The following AFF1 variants were observed in gnomAD, a reference collection of about 807,000 sequenced individuals.
AFF1 encodes AF4/FMR2 family member 1.
In AFF1, 48 loss-of-function variants were observed where a neutral mutation model predicts 121.7. The observed-to-expected ratio is 0.39, with a 90% CI of 0.31 to 0.50. The LOEUF is 0.50. Ranked by LOEUF, AFF1 falls within the 20% of genes least tolerant of loss-of-function variation. The pLI, the probability that AFF1 is intolerant of heterozygous loss-of-function variation, is 0.76. For missense variants in AFF1, 1,523 were observed against 1,511.7 expected (o/e 1.01, Z -0.12); for synonymous variants, 613 against 563.0 (o/e 1.09, Z -1.26).
intron 2 of AFF1, among the ~76,000 whole-genome samples, chr4:86,960,898 A>AT (rs1250337537): frequency 1.3e-5 from 2 of 152,188 alleles, no homozygotes; most frequent in African/African-American, 4.8e-5. Flanking sequence ...GCACCCAAGA[A>AT]TTCTAATGTG....
chr4:86,994,153 A>G (rs1403297835), intron 2 of AFF1, among the ~76,000 whole-genome samples: 1 of 152,154 alleles, frequency 6.6e-6, no homozygotes, highest in East Asian at 1.9e-4. Flanking sequence ...AGAAGGCACT[A>G]AAAAAGAGTC....
chr4:86,970,636 G>C (rs958147317), intron 2 of AFF1, among the ~76,000 whole-genome samples: 4 of 152,168 alleles, frequency 2.6e-5, no homozygotes, highest in Non-Finnish European at 4.4e-5. Context: ...AATCATATCA[G>C]GGTTATAAAG....
intron 2 of AFF1, among the ~76,000 whole-genome samples, chr4:87,018,418 G>T (rs1727569321): frequency 6.6e-6 from 1 of 152,244 alleles, no homozygotes; most frequent in South Asian, 2.1e-4. Context: ...GAGAACCTCT[G>T]AGGAGGGTTA....
intron 2 of AFF1, among the ~76,000 whole-genome samples, chr4:87,040,282 A>C (rs186422337): frequency 3.4e-3 from 513 of 152,320 alleles, no homozygotes; most frequent in African/African-American, 0.011. Context: ...CCTCAAGGAC[A>C]GGCCTGTGTG....
Position 87,128,224 on chromosome 4 carries a change from G to C in AFF1, c.2964+521G>C, listed in dbSNP as rs150430089. Among the ~76,000 whole-genome samples, 1,027 of 152,292 alleles carry C rather than the reference G, an allele frequency of 6.7e-3. 13 individuals are homozygous for C. Among genetic ancestry groups the C allele is most frequent in the African/African-American group, 0.023 (974 of 41,546 alleles). ...CTGACCTGAAGGAAGAGTTGAGCTA[G>C]GCTATTAGATGAGATTTTAAGATGA... On this transcript the variant is annotated intron_variant, in intron 16 of 20. Transcript: ENST00000395146.
intron 2 of AFF1, among the ~76,000 whole-genome samples, chr4:87,013,285 C>T (rs1726983570): frequency 6.6e-6 from 1 of 151,992 alleles, no homozygotes; most frequent in Non-Finnish European, 1.5e-5. Flanking sequence ...GGTGATCCTC[C>T]CGCCTCGGCC....
At chr4:87,107,530 T>A (rs1384615906) in intron 10 of AFF1, among the ~76,000 whole-genome samples, 1 of 152,216 alleles carries the variant, frequency 6.6e-6, no homozygotes, top group Non-Finnish European at 1.5e-5. Context: ...TTGGTTACTT[T>A]TGAGTTCACC....
chr4:87,079,253 A>G (rs1043366564), intron 4 of AFF1, among the ~76,000 whole-genome samples: 10 of 152,174 alleles, frequency 6.6e-5, no homozygotes, highest in Non-Finnish European at 1.5e-4. Flanking sequence ...AGAGCCTCCC[A>G]GTCTCAGTGG....
chr4:86,996,130 G>A (rs1321972466), intron 2 of AFF1, among the ~76,000 whole-genome samples: 2 of 150,576 alleles, frequency 1.3e-5, no homozygotes, highest in African/African-American at 2.5e-5. Context: ...CCGGCCAGCC[G>A]CCCTGTCCGG....
intron 2 of AFF1, among the ~76,000 whole-genome samples, chr4:87,031,439 GTT>G (rs796554313): frequency 7.1e-6 from 1 of 140,710 alleles, no homozygotes; most frequent in Admixed American, 7.1e-5. Flanking sequence ...CTTAGCATAT[GTT>G]TTTTTTTTTT....
intron 1 of AFF1, among the ~76,000 whole-genome samples, chr4:86,942,081 A>G (rs1409875434): frequency 2.0e-5 from 3 of 152,112 alleles, no homozygotes; most frequent in African/African-American, 7.2e-5. Context: ...AATGTTTGCT[A>G]TTATTACTCC....
At chr4:86,963,963 GTTTTTTTT>G (rs3035477) in intron 2 of AFF1, among the ~76,000 whole-genome samples, 1 of 104,382 alleles carries the variant, frequency 9.6e-6, no homozygotes, top group African/African-American at 3.8e-5. Flanking sequence ...GACTAGACTG[GTTTTTTTT>G]TTTTTTTTTT....
Position 87,047,397 on chromosome 4 carries a change from T to G in AFF1, c.862T>G (p.Ser288Ala). The G allele has an allele frequency of 6.2e-7, 1 of 1,613,754 alleles. No homozygotes were observed. Among genetic ancestry groups the G allele is most frequent in the South Asian group, 1.1e-5 (1 of 91,050 alleles). The change falls in exon 4 of 21, where the codon TCA becomes GCA. Residue 288 changes from serine to alanine, a missense_variant. By Grantham distance (99) the Ser-to-Ala change is moderately conservative (BLOSUM62 1). Around this residue, in one of 5 missense-constraint regions of AFF1, gnomAD observed 369 missense variants for 367.2 expected, o/e 1.00. Transcript: ENST00000395146. ...SQTFPPPSLPSKSVAMQQKPT... is the reference protein window; with the variant it reads ...SQTFPPPSLPAKSVAMQQKPT... Reference sequence around the variant, plus strand: ...GACATTTCCACCTCCCTCCCTCCCCTCAAAAAGTGTTGCAATGCAGCAGAA... The same window carrying G: ...GACATTTCCACCTCCCTCCCTCCCCGCAAAAAGTGTTGCAATGCAGCAGAA...
At chr4:87,019,657 G>A (rs542397729) in intron 2 of AFF1, among the ~76,000 whole-genome samples, 1 of 152,296 alleles carries the variant, frequency 6.6e-6, no homozygotes, top group South Asian at 2.1e-4. Flanking sequence ...GTGTGCCCAG[G>A]GAGGGCATGG....
chr4:86,939,017 T>C (rs1720255611), intron 1 of AFF1, among the ~76,000 whole-genome samples: 1 of 152,246 alleles, frequency 6.6e-6, no homozygotes, highest in Non-Finnish European at 1.5e-5. Context: ...AATTACATCA[T>C]TAATATAGTA....
intron 4 of AFF1, among the ~76,000 whole-genome samples, chr4:87,060,835 C>CAAAAAAAAAAAAAAAAAAAAAA (rs749186199): frequency 3.5e-4 from 22 of 62,262 alleles, no homozygotes; most frequent in Non-Finnish European, 4.8e-4. Context: ...GACTCTGTCT[C>CAAAAAAAAAAAAAAAAAAAAAA]AAAAAAAAAA....
intron 2 of AFF1, among the ~76,000 whole-genome samples, chr4:86,963,084 C>T (rs543478114): frequency 2.2e-3 from 308 of 142,586 alleles, no homozygotes; most frequent in Non-Finnish European, 3.6e-3. Context: ...GAGAATTGCT[C>T]GAACCTGGGA....
At chr4:86,986,340 GT>G (rs1341987089) in intron 2 of AFF1, among the ~76,000 whole-genome samples, 2 of 152,096 alleles carry the variant, frequency 1.3e-5, no homozygotes, top group African/African-American at 4.8e-5. Context: ...CCGTAGTGCT[GT>G]GTTACAGGCA....
chr4:87,100,251 A>G lies in AFF1; in HGVS notation c.1283+5282A>G, dbSNP rs142974879. 2.0e-5 allele frequency among the ~76,000 whole-genome samples: 3 copies of G among 152,180 alleles called. No individual in the cohort carries two copies. In the East Asian group the frequency reaches 5.8e-4, roughly 29 times the overall value. On this transcript the variant is annotated intron_variant, in intron 8 of 20. Transcript: ENST00000395146. ...TCTCTGTGGGATGCTGGGCTGTTAA[A>G]CCAACAAGGTGTGGTCCACTTTCAC...
Sources: allele counts gnomAD v4.1 joint callset (sites outside exome capture counted in the v4.1 genomes callset), GRCh38; gene constraint gnomAD v4.1.1; regional missense constraint gnomAD v4.1.1; transcripts MANE v1.5; gene names NCBI Gene and HGNC (gene_info 2026-07-23, HGNC 2026-07-21).